The following THRAP3 variants were observed in gnomAD, a reference collection of about 807,000 sequenced individuals.
THRAP3 encodes the protein thyroid hormone receptor-associated protein 3.
A neutral mutation model predicts 101.0 loss-of-function variants in THRAP3; 16 were observed. The ratio of observed to expected loss-of-function variants is 0.16; its 90% CI spans 0.11 to 0.24. The LOEUF (loss-of-function observed/expected upper bound fraction) is 0.24, where lower values mean the gene tolerates loss of function less well. Ranked by LOEUF, THRAP3 falls within the 10% of genes least tolerant of loss-of-function variation. THRAP3 has a pLI of 1.00. For missense variants in THRAP3, 989 were observed against 1,202.7 expected (o/e 0.82, Z 2.63); for synonymous variants, 407 against 422.6 (o/e 0.96, Z 0.45).
chr1:36,266,230 G>A (rs896112354), intron 2 of THRAP3, among the ~76,000 whole-genome samples: 4 of 151,852 alleles, frequency 2.6e-5, no homozygotes. Flanking sequence ...GAGGTGGGAG[G>A]ATTGCTTGAG....
At chr1:36,237,713 G>A (rs950405110) in intron 1 of THRAP3, among the ~76,000 whole-genome samples, 5 of 152,132 alleles carry the variant, frequency 3.3e-5, no homozygotes, top group Admixed American at 1.3e-4. Context: ...AGAGGTTGCA[G>A]TGACCCAAGA....
chr1:36,278,136 C>G (rs1009563705), intron 2 of THRAP3, among the ~76,000 whole-genome samples: 1 of 150,024 alleles, frequency 6.7e-6, no homozygotes, highest in African/African-American at 2.5e-5. Context: ...GTGATCTTCG[C>G]TCACTGCAAC....
At chr1:36,232,088 C>T (rs942692959) in intron 1 of THRAP3, among the ~76,000 whole-genome samples, 3 of 151,890 alleles carry the variant, frequency 2.0e-5, no homozygotes, top group Non-Finnish European at 2.9e-5. Flanking sequence ...TGGTGGTGTG[C>T]GCCTGTAATC....
chr1:36,290,003 C>T (rs1645845511), intron 5 of THRAP3, among the ~76,000 whole-genome samples: 2 of 152,138 alleles, frequency 1.3e-5, no homozygotes, highest in South Asian at 4.1e-4. Flanking sequence ...GACTGGCTCA[C>T]TCTCTGTTCA....
chr1:36,247,842 A>G (rs1183734708), intron 1 of THRAP3, among the ~76,000 whole-genome samples: 1 of 139,906 alleles, frequency 7.1e-6, no homozygotes, highest in African/African-American at 2.6e-5. Context: ...GAAATTTTGT[A>G]TCTTTTGACC....
At chr1:36,257,196 T>C (rs1003352027) in intron 1 of THRAP3, among the ~76,000 whole-genome samples, 3 of 152,286 alleles carry the variant, frequency 2.0e-5, no homozygotes, top group Admixed American at 2.0e-4. Context: ...TAAGGCCCAG[T>C]ATACTCTTTT....
chr1:36,295,954 C>CTTTTTTTTTTTTTTTTTTTTTTTTTT (rs575028397), intron 8 of THRAP3, among the ~76,000 whole-genome samples: 1 of 60,488 alleles, frequency 1.7e-5, no homozygotes, highest in Non-Finnish European at 2.8e-5. Flanking sequence ...GCCTTCTCAA[C>CTTTTTTTTTTTTTTTTTTTTTTTTTT]TTTTTTTTTT....
the THRAP3 span, among the ~76,000 whole-genome samples, chr1:36,215,258 T>C: frequency 1.3e-5 from 2 of 152,112 alleles, no homozygotes; most frequent in Non-Finnish European, 2.9e-5. Context: ...CTTTTAATGG[T>C]TTCCCATTGG....
At chr1:36,213,997 G>A in the THRAP3 span, among the ~76,000 whole-genome samples, 26 of 81,082 alleles carry the variant, frequency 3.2e-4, no homozygotes, top group East Asian at 2.6e-3. Context: ...AAGAAAGAAA[G>A]GAAAGAAAGA....
At chr1:36,214,941 C>T in the THRAP3 span, among the ~76,000 whole-genome samples, 1 of 151,006 alleles carries the variant, frequency 6.6e-6, no homozygotes, top group Non-Finnish European at 1.5e-5. Context: ...CTTTCAATGG[C>T]CTGGGCGCGG....
intron 2 of THRAP3, among the ~76,000 whole-genome samples, chr1:36,277,699 A>G (rs1645678360): frequency 6.6e-6 from 1 of 151,964 alleles, no homozygotes; most frequent in Admixed American, 6.6e-5. Flanking sequence ...TTGGTTTTTG[A>G]AAAGGGTGAA....
Position 36,240,292 on chromosome 1 carries a change from C to T in THRAP3, c.-135+15787C>T, listed in dbSNP as rs1312055546. Reference sequence around the variant, plus strand: ...AACCAGGGAAGCCAACAGTGCAGCCCTTAGTTTGAGGTGAAAGGGCCCGAG... The same window carrying T: ...AACCAGGGAAGCCAACAGTGCAGCCTTTAGTTTGAGGTGAAAGGGCCCGAG... On this transcript the variant is annotated intron_variant, in intron 1 of 11. Transcript: ENST00000354618. Among the ~76,000 whole-genome samples the T allele has an allele frequency of 2.0e-5, 3 of 152,210 alleles. No homozygotes were observed. In the East Asian group the frequency reaches 5.8e-4, roughly 29 times the overall value.
At chr1:36,257,314 G>A (rs1444168202) in intron 1 of THRAP3, among the ~76,000 whole-genome samples, 1 of 152,172 alleles carries the variant, frequency 6.6e-6, no homozygotes, top group Non-Finnish European at 1.5e-5. Context: ...TCACTAGAAT[G>A]TCAGTTCCAG....
At chr1:36,288,021 C>G in intron 4 of THRAP3, 1 of 951,350 alleles carries the variant, frequency 1.1e-6, no homozygotes, top group Non-Finnish European at 1.3e-6. Context: ...TCGTATTTAG[C>G]ATGTTTTTTG....
intron 11 of THRAP3, among the ~76,000 whole-genome samples, chr1:36,303,204 T>C (rs563061636): frequency 1.5e-4 from 22 of 146,864 alleles, no homozygotes; most frequent in Middle Eastern, 3.6e-3. Context: ...GCTCAGACAA[T>C]CTGCCTGCCT....
intron 3 of THRAP3, among the ~76,000 whole-genome samples, chr1:36,285,462 C>G (rs540724524): frequency 6.8e-4 from 102 of 149,890 alleles, no homozygotes; most frequent in African/African-American, 2.5e-3. Flanking sequence ...CAGGAATGTA[C>G]AGTTAGGTTA....
At chr1:36,220,532 T>C (rs887385400), upstream of THRAP3, among the ~76,000 whole-genome samples, 4 of 152,018 alleles carry the variant, frequency 2.6e-5, no homozygotes, top group African/African-American at 4.8e-5. Flanking sequence ...GTAAATGTTG[T>C]GAAGGCTGGG....
intron 2 of THRAP3, 30 bp from the exon 3 acceptor site, chr1:36,282,503 C>T: frequency 1.3e-6 from 2 of 1,535,210 alleles, no homozygotes; most frequent in Middle Eastern, 2.1e-4. Context: ...GGAACTCACT[C>T]ATTTGTTCTA....
At chr1:36,280,700 T>TA (rs1645719771) in intron 2 of THRAP3, among the ~76,000 whole-genome samples, 1 of 152,208 alleles carries the variant, frequency 6.6e-6, no homozygotes, top group Non-Finnish European at 1.5e-5. Context: ...TCCTTACTCT[T>TA]ACTGTCTTTG....
Sources: allele counts gnomAD v4.1 joint callset (sites outside exome capture counted in the v4.1 genomes callset), GRCh38; gene constraint gnomAD v4.1.1; transcripts MANE v1.5; gene names NCBI Gene and HGNC (gene_info 2026-07-23, HGNC 2026-07-21).